Variants in PCNP observed in about 807,000 individuals in gnomAD.
PCNP encodes PEST proteolytic signal-containing nuclear protein.
PCNP carries 6 observed loss-of-function variants against 21.8 expected under a neutral mutation model. The observed-to-expected ratio is 0.28, with a 90% CI of 0.15 to 0.54. The LOEUF (loss-of-function observed/expected upper bound fraction) is 0.54. PCNP is among the 20% of genes least tolerant of loss of function. The pLI is 0.95. For missense variants in PCNP, 161 were observed against 215.5 expected (o/e 0.75, Z 1.58); for synonymous variants, 67 against 73.2 (o/e 0.92, Z 0.43).
intron 1 of PCNP, among the ~76,000 whole-genome samples, chr3:101,578,472 A>G (rs767524922): frequency 3.7e-4 from 56 of 152,230 alleles, no homozygotes; most frequent in Non-Finnish European, 4.0e-4. Context: ...ATGGCACCTC[A>G]AGCAGCCATT....
At chr3:101,592,428 C>T (rs1440487061) in intron 4 of PCNP, among the ~76,000 whole-genome samples, 199 bp from the exon 5 acceptor site, 1 of 150,302 alleles carries the variant, frequency 6.7e-6, no homozygotes, top group Non-Finnish European at 1.5e-5. Context: ...CCTGCCTCGA[C>T]CTCCCAAAGT....
At chr3:101,577,912 G>C (rs1315651161) in intron 1 of PCNP, among the ~76,000 whole-genome samples, 2 of 152,220 alleles carry the variant, frequency 1.3e-5, no homozygotes, top group African/African-American at 4.8e-5. Flanking sequence ...AAAAATGCTA[G>C]TACCATGTGT....
intron 3 of PCNP, among the ~76,000 whole-genome samples, chr3:101,588,131 C>T (rs1322571543): frequency 1.3e-5 from 2 of 152,028 alleles, no homozygotes; most frequent in East Asian, 1.9e-4. Context: ...ATTAGCTGGG[C>T]GTGGTGGCAT....
At chr3:101,587,163 T>G (rs994715775) in intron 3 of PCNP, among the ~76,000 whole-genome samples, 8 of 151,788 alleles carry the variant, frequency 5.3e-5, no homozygotes, top group African/African-American at 1.9e-4. Context: ...GGGAGGAGAA[T>G]TGCTTGAACC....
chr3:101,578,104 C>A (rs960508969), intron 1 of PCNP, among the ~76,000 whole-genome samples: 1 of 151,956 alleles, frequency 6.6e-6, no homozygotes, highest in African/African-American at 2.4e-5. Flanking sequence ...TTTAGTCATT[C>A]TTTAGTGTAT....
Position 101,594,049 on chromosome 3 carries a change from T to G in PCNP, c.*1296T>G, listed in dbSNP as rs1935941415. 1 of 152,524 alleles carries G rather than the reference T, an allele frequency of 6.6e-6. No homozygotes were observed. The highest frequency in any genetic ancestry group is 1.5e-5 in the Non-Finnish European group (1 of 68,030). 9.4% of individuals were successfully genotyped at this position (152,524 alleles called of 1,614,324 possible). A position where few individuals can be genotyped will look rare whatever the true frequency, so the allele number is the denominator to read the frequency against. On this transcript the variant is annotated 3_prime_UTR_variant, in exon 5 of 5. Coordinates refer to ENST00000265260, the MANE Select transcript of PCNP (RefSeq NM_020357.3). Reference sequence around the variant, plus strand: ...CTTGAAAACTCCTACAATATTATATTTGGAGGCAGCTTCAGACTGTTTTAT... The same window carrying G: ...CTTGAAAACTCCTACAATATTATATGTGGAGGCAGCTTCAGACTGTTTTAT...
chr3:101,574,176 C>T (rs1204073639), upstream of PCNP: 3 of 1,543,724 alleles, frequency 1.9e-6, no homozygotes, highest in Non-Finnish European at 2.6e-6. Context: ...GGGGTCGTGA[C>T]GTCCTTGGCG....
rs1197860488 is a variant in PCNP at position 101,586,581 on chromosome 3, A to T, written c.354+1070A>T. Among the ~76,000 whole-genome samples the T allele has an allele frequency of 1.8e-3, 163 of 92,948 alleles. 1 individual carries two copies. The highest frequency in any genetic ancestry group is 5.2e-3 in the African/African-American group (142 of 27,072). The allele number at this position is 92,948 out of a possible 152,430, so 61.0% of individuals were successfully genotyped here. ...GTGTGTGTGTGTGTGTGAGAGAGAG[A>T]GAGAGAGAGTTTCTTGTTTCAGAGA... On this transcript the variant is annotated intron_variant, in intron 3 of 4. Coordinates refer to ENST00000265260, the MANE Select transcript of PCNP (RefSeq NM_020357.3).
Position 101,590,209 on chromosome 3 carries a change from C to T in PCNP, c.355-6C>T. 1 of 1,524,600 alleles carries T rather than the reference C, an allele frequency of 6.6e-7. No individual in the cohort carries two copies. The highest frequency in any genetic ancestry group is 9.1e-7 in the Non-Finnish European group (1 of 1,100,910). 94.4% of individuals were successfully genotyped at this position (1,524,600 alleles called of 1,614,324 possible). A position where few individuals can be genotyped will look rare whatever the true frequency, so the allele number is the denominator to read the frequency against. The stretch of plus-strand genomic sequence containing the variant: ...GTTATCTTGGTTTACTTACTTTTTT[C>T]TTTAGAGTGAACCAGAGGAAATGCC... On this transcript the variant is annotated splice_polypyrimidine_tract_variant and splice_region_variant and intron_variant, in intron 3 of 4. Transcript: ENST00000265260.
intron 2 of PCNP, among the ~76,000 whole-genome samples, chr3:101,580,892 G>A (rs1260313360): frequency 6.6e-6 from 1 of 152,194 alleles, no homozygotes; most frequent in African/African-American, 2.4e-5. Context: ...TTGGAAAATG[G>A]TTACATTCTT....
chr3:101,574,392 G>T, intron 1 of PCNP, 113 bp downstream of exon 1: 2 of 1,328,544 alleles, frequency 1.5e-6, no homozygotes, highest in East Asian at 2.8e-5. Flanking sequence ...GACCTCACCC[G>T]GCCAGGTGTT....
Position 101,590,212 on chromosome 3 carries a change from T to C in PCNP, c.355-3T>C, listed in dbSNP as rs114009114. ...ATCTTGGTTTACTTACTTTTTTCTT[T>C]AGAGTGAACCAGAGGAAATGCCTCC... is the stretch of plus-strand genomic sequence containing the variant. On this transcript the variant is annotated splice_polypyrimidine_tract_variant and splice_region_variant and intron_variant, in intron 3 of 4. Transcript: ENST00000265260. 1.5e-3 allele frequency: 2,264 copies of C among 1,541,722 alleles called. 30 individuals are homozygous for C. In the African/African-American group the frequency reaches 0.028, roughly 19 times the overall value.
At chr3:101,587,852 G>A (rs955398164) in intron 3 of PCNP, among the ~76,000 whole-genome samples, 2 of 152,158 alleles carry the variant, frequency 1.3e-5, no homozygotes, top group East Asian at 3.8e-4. Flanking sequence ...AAAGTGCAGA[G>A]GTTGGAAATT....
At chr3:101,590,169 A>G (rs772253442) in intron 3 of PCNP, 46 bp from the exon 4 acceptor site, 7 of 997,620 alleles carry the variant, frequency 7.0e-6, no homozygotes, top group Non-Finnish European at 7.9e-6. Flanking sequence ...CAGGAATTGA[A>G]TAAGTTTGTA....
Position 101,592,638 on chromosome 3 carries a change from C to T in PCNP, c.422C>T (p.Thr141Ile). The stretch of plus-strand genomic sequence containing the variant: ...TTCTTTTAACACAGGGATACACCAA[C>T]ATCAGCTGGACCAAACTCCTTCAAT... ...RMKNIGRDTPTSAGPNSFNKG... is the reference protein window; with the variant it reads ...RMKNIGRDTPISAGPNSFNKG... Residue 141 changes from threonine (T) to isoleucine (I), a missense_variant, in exon 5 of 5, where the codon ACA becomes ATA. Physicochemically the swap from Thr to Ile is moderately conservative, Grantham distance 89 (BLOSUM62 -1). Coordinates refer to ENST00000265260, the MANE Select transcript of PCNP (RefSeq NM_020357.3). The T allele has an allele frequency of 6.2e-7, 1 of 1,607,226 alleles. No individual in the cohort carries two copies. The highest frequency in any genetic ancestry group is 8.5e-7 in the Non-Finnish European group (1 of 1,177,324).
At chr3:101,580,617 C>A (rs1047295349) in intron 2 of PCNP, among the ~76,000 whole-genome samples, 1 of 151,964 alleles carries the variant, frequency 6.6e-6, no homozygotes, top group Admixed American at 6.6e-5. Flanking sequence ...TACTTTGGAA[C>A]GACAAATGGG....
In PCNP at chr3:101,592,780, G is replaced by T; in HGVS notation, c.*27G>T. 6.2e-7 allele frequency: 1 copy of T among 1,605,126 alleles called. No individual in the cohort carries two copies. Among genetic ancestry groups the T allele is most frequent in the Non-Finnish European group, 8.5e-7 (1 of 1,175,628 alleles). Reference sequence around the variant, plus strand: ...TGATGTTTTGAAATTGGGGTGTGGGGTGGGTGTAAAGTTAAAAGGAACAGT... The same window carrying T: ...TGATGTTTTGAAATTGGGGTGTGGGTTGGGTGTAAAGTTAAAAGGAACAGT... On this transcript the variant is annotated 3_prime_UTR_variant, in exon 5 of 5. Coordinates refer to ENST00000265260, the MANE Select transcript of PCNP (RefSeq NM_020357.3).
chr3:101,586,237 A>G (rs1935496923), intron 3 of PCNP, among the ~76,000 whole-genome samples: 1 of 151,244 alleles, frequency 6.6e-6, no homozygotes. Flanking sequence ...CCTAGGAGGG[A>G]TAACAATTCA....
chr3:101,585,113 T>C (rs993968937), intron 2 of PCNP, among the ~76,000 whole-genome samples: 1 of 152,244 alleles, frequency 6.6e-6, no homozygotes, highest in Non-Finnish European at 1.5e-5. Flanking sequence ...TTGTATTTAA[T>C]GTTACTGTGG....
Sources: gnomAD v4.1 joint callset for allele counts (sites outside exome capture counted in the v4.1 genomes callset) on GRCh38, gnomAD v4.1.1 for gene constraint, MANE v1.5 for transcripts, NCBI Gene and HGNC (gene_info 2026-07-23, HGNC 2026-07-21) for gene names.